The following PADI3 variants were observed in gnomAD, a reference collection of about 807,000 sequenced individuals.
PADI3 encodes protein-arginine deiminase type-3.
Under a neutral mutation model 71.5 loss-of-function variants are expected in PADI3, and 53 were observed. The ratio of observed to expected loss-of-function variants is 0.74; its 90% confidence interval spans 0.59 to 0.93. The LOEUF is 0.93. Among genes scored for constraint, PADI3 ranks in the 40% least tolerant of loss-of-function variants. The probability of loss-of-function intolerance (pLI) is 0.00; values close to 1 mark genes in which losing one functional copy is unlikely to be tolerated. For missense variants in PADI3, 821 were observed against 868.0 expected (o/e 0.95, Z 0.68); for synonymous variants, 361 against 347.5 (o/e 1.04, Z -0.43).
chr1:17,275,543 G>T (rs2073318671), intron 11 of PADI3, among the ~76,000 whole-genome samples: 1 of 151,382 alleles, frequency 6.6e-6, no homozygotes, highest in Non-Finnish European at 1.5e-5. Flanking sequence ...CCATGTAAAT[G>T]ACTAATATAA....
At chr1:17,262,775 G>A (rs1379153516) in intron 3 of PADI3, among the ~76,000 whole-genome samples, 1 of 152,110 alleles carries the variant, frequency 6.6e-6, no homozygotes, top group Admixed American at 6.6e-5. Context: ...GTGAATAAAA[G>A]TTACCCAAAC....
At position 17,271,113 on chromosome 1, in the gene PADI3, A is replaced by G; in HGVS notation, c.982A>G (p.Arg328Gly). 6.2e-7 allele frequency: 1 copy of G among 1,613,980 alleles called. No individual in the cohort carries two copies. The highest frequency in any genetic ancestry group is 1.7e-5 in the Admixed American group (1 of 60,026). ...TGTGGATGCGGTGGCAGAGCTGGCCAGGAAGGCCGGCTGCAAGCTGACCAT... is the reference window on the plus strand; with the variant it reads ...TGTGGATGCGGTGGCAGAGCTGGCCGGGAAGGCCGGCTGCAAGCTGACCAT... ...CFVDAVAELA[R>G]KAGCKLTICP... is the part of the protein sequence containing the mutation. The change falls in exon 9 of 16, where the codon AGG becomes GGG. Residue 328 changes from arginine (R) to glycine (G), a missense_variant. Coordinates refer to ENST00000375460, the MANE Select transcript of PADI3 (RefSeq NM_016233.2).
chr1:17,249,354 A>G, intron 1 of PADI3, 125 bp downstream of exon 1: 1 of 766,618 alleles, frequency 1.3e-6, no homozygotes, highest in African/African-American at 1.7e-5. Flanking sequence ...AACAGCAGCC[A>G]ATCAGGGAAG....
At chr1:17,272,267 T>C (rs1292516871) in intron 9 of PADI3, among the ~76,000 whole-genome samples, 1 of 152,038 alleles carries the variant, frequency 6.6e-6, no homozygotes, top group Non-Finnish European at 1.5e-5. Flanking sequence ...GAACCTTGTG[T>C]GTTCTCCTCT....
intron 15 of PADI3, among the ~76,000 whole-genome samples, chr1:17,282,050 C>G (rs3766301): frequency 0.059 from 8,949 of 152,200 alleles, 309 homozygotes; most frequent in African/African-American, 0.094. Flanking sequence ...CCGCTTTTTC[C>G]TTCCTCTTTT....
rs188800039 is a variant in PADI3 at position 17,283,811 on chromosome 1, G to A, written c.*732G>A. The A allele has an allele frequency of 4.3e-4, 65 of 152,370 alleles. No homozygotes were observed. The highest frequency in any genetic ancestry group is 1.3e-3 in the African/African-American group (52 of 41,568). The allele number at this position is 152,370 out of a possible 1,614,324, so 9.4% of individuals were successfully genotyped here. A position where few individuals can be genotyped will look rare whatever the true frequency, so the allele number is the denominator to read the frequency against. On this transcript the variant is annotated 3_prime_UTR_variant, in exon 16 of 16. Transcript: ENST00000375460. Reference sequence around the variant, plus strand: ...GAATTTCTTGGAGACGAAAGTATCTGGGGGATTGTTGGGTACTAGGGAGAC... The same window carrying A: ...GAATTTCTTGGAGACGAAAGTATCTAGGGGATTGTTGGGTACTAGGGAGAC...
At chr1:17,260,874 G>A (rs1314242095) in intron 2 of PADI3, among the ~76,000 whole-genome samples, 2 of 152,178 alleles carry the variant, frequency 1.3e-5, no homozygotes, top group Non-Finnish European at 2.9e-5. Flanking sequence ...TTGAAGTGGC[G>A]ATGGTGTGGG....
intron 1 of PADI3, among the ~76,000 whole-genome samples, chr1:17,258,572 G>T (rs1017545142): frequency 1.3e-5 from 2 of 152,268 alleles, no homozygotes; most frequent in African/African-American, 4.8e-5. Context: ...ACACTGCAGA[G>T]CTGTGGAACA....
At chr1:17,276,405 G>GT (rs935633195) in intron 11 of PADI3, 114 bp from the exon 12 acceptor site, 48 of 965,992 alleles carry the variant, frequency 5.0e-5, no homozygotes, top group African/African-American at 1.6e-4. Context: ...AGTAATGCAT[G>GT]TTTTTTTGTT....
At chr1:17,260,624 C>A (rs951617368) in intron 2 of PADI3, among the ~76,000 whole-genome samples, 17 of 152,168 alleles carry the variant, frequency 1.1e-4, no homozygotes, top group Admixed American at 5.2e-4. Flanking sequence ...TCAGTGCAGA[C>A]CCCTGGGGGC....
At chr1:17,249,739 AT>A (rs2072942475) in intron 1 of PADI3, among the ~76,000 whole-genome samples, 1 of 152,230 alleles carries the variant, frequency 6.6e-6, no homozygotes, top group Non-Finnish European at 1.5e-5. Context: ...TTAATCTTGA[AT>A]TTAACCCTTA....
chr1:17,267,706 G>T (rs1172053960), intron 5 of PADI3, 131 bp from the exon 6 acceptor site: 14 of 1,022,756 alleles, frequency 1.4e-5, no homozygotes, highest in South Asian at 1.1e-4. Flanking sequence ...GGCTTCCAGG[G>T]TTTTCACAAA....
intron 8 of PADI3, 27 bp downstream of exon 8, chr1:17,271,009 C>T: frequency 1.9e-6 from 3 of 1,613,068 alleles, no homozygotes; most frequent in Non-Finnish European, 2.5e-6. Flanking sequence ...TGGGTGGTCC[C>T]TCTGGCCCCC....
intron 1 of PADI3, among the ~76,000 whole-genome samples, chr1:17,254,318 G>A (rs1038492182): frequency 2.0e-5 from 3 of 152,172 alleles, no homozygotes; most frequent in African/African-American, 2.4e-5. Flanking sequence ...GACCTCGTTG[G>A]TCATCTTGTC....
intron 1 of PADI3, among the ~76,000 whole-genome samples, chr1:17,256,969 T>C (rs953187122): frequency 1.5e-4 from 21 of 137,904 alleles, no homozygotes; most frequent in East Asian, 2.1e-4. Context: ...GAGGTGGAGG[T>C]TGCAGTGAGC....
At chr1:17,275,927 A>C (rs889744898) in intron 11 of PADI3, among the ~76,000 whole-genome samples, 1 of 152,236 alleles carries the variant, frequency 6.6e-6, no homozygotes, top group Non-Finnish European at 1.5e-5. Flanking sequence ...ACCTGGTGTG[A>C]GGGTGGTTCT....
intron 1 of PADI3, among the ~76,000 whole-genome samples, chr1:17,254,904 C>T (rs370315256): frequency 1.6e-4 from 25 of 152,122 alleles, no homozygotes; most frequent in African/African-American, 4.8e-4. Context: ...TTAGTGGAGA[C>T]GTGGTTTCTC....
chr1:17,279,416 G>A (rs2073373632), intron 13 of PADI3, among the ~76,000 whole-genome samples: 1 of 152,200 alleles, frequency 6.6e-6, no homozygotes, highest in Admixed American at 6.5e-5. Context: ...CACTGGCCCA[G>A]AGGCCTCAGC....
chr1:17,268,498 C>CTTTTTTTTTTTTT lies in PADI3; in HGVS notation c.652+551_652+563dup, dbSNP rs564947321. Among the ~76,000 whole-genome samples, 16 of 89,416 alleles carry CTTTTTTTTTTTTT rather than the reference C, an allele frequency of 1.8e-4. 2 individuals carry two copies. The highest frequency in any genetic ancestry group is 7.5e-4 in the African/African-American group (16 of 21,226). The allele number at this position is 89,416 out of a possible 152,430, so 58.7% of individuals were successfully genotyped here. A position where few individuals can be genotyped will look rare whatever the true frequency, so the allele number is the denominator to read the frequency against. The stretch of plus-strand genomic sequence containing the variant: ...AAAAATGTATACAAGTAATAAGATG[C>CTTTTTTTTTTTTT]TTTTTTTTTTTTTTTTTTTTTTTTT... On this transcript the variant is annotated intron_variant, in intron 6 of 15. Transcript: ENST00000375460.
Sources: allele counts gnomAD v4.1 joint callset (sites outside exome capture counted in the v4.1 genomes callset), GRCh38; gene constraint gnomAD v4.1.1; transcripts MANE v1.5; gene names NCBI Gene and HGNC (gene_info 2026-07-23, HGNC 2026-07-21).